Variants in MBNL3 observed in about 807,000 individuals in gnomAD.
The protein encoded by MBNL3 is muscleblind like splicing regulator 3.
Under a neutral mutation model 24.5 loss-of-function variants are expected in MBNL3, and 6 were observed. The ratio of observed to expected loss-of-function variants is 0.25; its 90% confidence interval spans 0.13 to 0.48. The LOEUF is 0.48. MBNL3 is among the 20% of genes least tolerant of loss of function. MBNL3 has a pLI of 0.99. For synonymous variants in MBNL3, 100 were observed against 101.7 expected, an observed-to-expected ratio of 0.98 and a Z score of 0.10; for missense variants, 230 against 293.5, an observed-to-expected ratio of 0.78 and a Z score of 1.58.
At chrX:132,435,906 TA>T (rs1388547580) in intron 2 of MBNL3, among the ~76,000 whole-genome samples, 1 of 111,732 alleles carries the variant, frequency 8.9e-6, no homozygotes, top group East Asian at 2.8e-4. Context: ...CCTTCCTGGA[TA>T]AAAAGTGACT....
chrX:132,450,681 C>T (rs1213893052), intron 1 of MBNL3, among the ~76,000 whole-genome samples: 3 of 112,375 alleles, frequency 2.7e-5, no homozygotes, highest in African/African-American at 9.7e-5. Flanking sequence ...TCATCAAACT[C>T]ATTCTTCGTC....
In MBNL3 at chrX:132,442,951, A is replaced by G. The variant is rs1945466164; in HGVS notation, c.-703-2637T>C. The stretch of plus-strand genomic sequence containing the variant: ...TTCTCTCATGCAGCTCTGTTTGTCT[A>G]TGTATAAAAGACAGGGAGAAGTGTC... On this transcript the variant is annotated intron_variant, in intron 1 of 8. Transcript: ENST00000370853. Among the ~76,000 whole-genome samples, 4 of 111,995 alleles carry G rather than the reference A, an allele frequency of 3.6e-5. No individual in the cohort carries two copies. In the South Asian group the frequency reaches 1.1e-3, roughly 31 times the overall value.
intron 3 of MBNL3, among the ~76,000 whole-genome samples, chrX:132,397,340 A>G (rs1939968260): frequency 9.0e-6 from 1 of 111,346 alleles, no homozygotes; most frequent in Non-Finnish European, 1.9e-5. Flanking sequence ...TAAATAAATG[A>G]AAATTAAATG....
At chrX:132,455,422 C>T (rs1003173806) in intron 1 of MBNL3, among the ~76,000 whole-genome samples, 12 of 111,772 alleles carry the variant, frequency 1.1e-4, no homozygotes, top group East Asian at 5.6e-4. Context: ...TATCAAAAAG[C>T]GATACGGACA....
intron 2 of MBNL3, among the ~76,000 whole-genome samples, chrX:132,436,186 C>A (rs1009000302): frequency 1.8e-5 from 2 of 111,570 alleles, no homozygotes; most frequent in African/African-American, 6.5e-5. Context: ...GCAACAGAGT[C>A]AAAAACAGCT....
chrX:132,407,004 G>A (rs751575204), intron 2 of MBNL3, among the ~76,000 whole-genome samples: 2 of 111,990 alleles, frequency 1.8e-5, no homozygotes, highest in Non-Finnish European at 3.8e-5. Context: ...TGGGGAAGGG[G>A]AAGGTGGGGA....
chrX:132,424,795 GTT>G (rs772429282), intron 2 of MBNL3, among the ~76,000 whole-genome samples: 1 of 93,546 alleles, frequency 1.1e-5, no homozygotes. Context: ...CTTTCCTTCT[GTT>G]TTTTTTTTTT....
chrX:132,391,307 G>C (rs982732656), intron 4 of MBNL3, among the ~76,000 whole-genome samples: 1 of 111,738 alleles, frequency 8.9e-6, no homozygotes, highest in African/African-American at 3.3e-5. Context: ...CTCCCCAAAA[G>C]GAGGTTGTCC....
intron 2 of MBNL3, among the ~76,000 whole-genome samples, chrX:132,422,407 G>A (rs1433854681): frequency 8.9e-6 from 1 of 111,852 alleles, no homozygotes; most frequent in Non-Finnish European, 1.9e-5. Context: ...GCTCCACAAA[G>A]ATAGGGTTCT....
chrX:132,448,051 G>A (rs1200175784), intron 1 of MBNL3, among the ~76,000 whole-genome samples: 2 of 112,378 alleles, frequency 1.8e-5, no homozygotes, highest in Admixed American at 9.4e-5. Flanking sequence ...TATGGATTAT[G>A]TTTATTGATT....
At chrX:132,400,729 G>A (rs768524749) in intron 3 of MBNL3, among the ~76,000 whole-genome samples, 22 of 111,616 alleles carry the variant, frequency 2.0e-4, no homozygotes, top group Admixed American at 1.8e-3. Context: ...GTAGGCTTCA[G>A]TTGATATACC....
At chrX:132,402,132 G>A (rs1043165793) in intron 3 of MBNL3, among the ~76,000 whole-genome samples, 3 of 111,388 alleles carry the variant, frequency 2.7e-5, no homozygotes, top group African/African-American at 9.8e-5. Flanking sequence ...ACATCCCAAT[G>A]CAACCTCAAA....
At chrX:132,437,725 G>A (rs1466087815) in intron 2 of MBNL3, among the ~76,000 whole-genome samples, 1 of 111,567 alleles carries the variant, frequency 9.0e-6, no homozygotes, top group African/African-American at 3.3e-5. Flanking sequence ...AACTCAGTAT[G>A]CTTTTCCACT....
chrX:132,482,301 C>T (rs1195439819), intron 1 of MBNL3, among the ~76,000 whole-genome samples: 1 of 112,547 alleles, frequency 8.9e-6, no homozygotes, highest in African/African-American at 3.2e-5. Flanking sequence ...GATCATTACA[C>T]ATTGTATGCA....
Position 132,386,828 on chromosome X carries a change from G to A in MBNL3, c.772-17C>T. On this transcript the variant is annotated splice_polypyrimidine_tract_variant and intron_variant, in intron 5 of 8. Coordinates refer to ENST00000370853, the MANE Select transcript of MBNL3 (RefSeq NM_001386889.1). Reference sequence around the variant, plus strand: ...CTGCAGGGCCTGTGGGGGGAGAGATGGTACTAGTACTAGAGAAAGTAACAA... The same window carrying A: ...CTGCAGGGCCTGTGGGGGGAGAGATAGTACTAGTACTAGAGAAAGTAACAA... 8.3e-7 allele frequency: 1 copy of A among 1,206,732 alleles called. No homozygotes were observed. The highest frequency in any genetic ancestry group is 3.0e-5 in the East Asian group (1 of 33,791).
At chrX:132,404,442 A>G (rs1458497255) in intron 3 of MBNL3, among the ~76,000 whole-genome samples, 10 of 112,172 alleles carry the variant, frequency 8.9e-5, no homozygotes, top group Non-Finnish European at 1.7e-4. Flanking sequence ...AAGCCCAGAA[A>G]AAGCGTTTGC....
intron 6 of MBNL3, among the ~76,000 whole-genome samples, chrX:132,386,063 G>A (rs1935968201): frequency 9.0e-6 from 1 of 111,375 alleles, no homozygotes; most frequent in African/African-American, 3.3e-5. Context: ...AACATTTTCT[G>A]TTCAATTTCA....
At chrX:132,433,374 G>A (rs548905998) in intron 2 of MBNL3, among the ~76,000 whole-genome samples, 1 of 111,888 alleles carries the variant, frequency 8.9e-6, no homozygotes, top group African/African-American at 3.3e-5. Context: ...ACATTCCCAG[G>A]GGATAGTTAA....
At chrX:132,397,912 GTTAA>G (rs952242415) in intron 3 of MBNL3, among the ~76,000 whole-genome samples, 1 of 110,990 alleles carries the variant, frequency 9.0e-6, no homozygotes, top group African/African-American at 3.3e-5. Context: ...CTCCAGACTA[GTTAA>G]TTAGTTTCTC....
Sources: gnomAD v4.1 joint callset for allele counts (sites outside exome capture counted in the v4.1 genomes callset) on GRCh38, gnomAD v4.1.1 for gene constraint, MANE v1.5 for transcripts, NCBI Gene and HGNC (gene_info 2026-07-23, HGNC 2026-07-21) for gene names.